Variants in DMTN observed in about 807,000 individuals in gnomAD.
The protein encoded by DMTN is dematin actin binding protein, also known as dematin.
DMTN carries 27 observed loss-of-function variants against 59.4 expected under a neutral mutation model. The observed-to-expected ratio is 0.45, with a 90% CI of 0.33 to 0.63. The LOEUF (loss-of-function observed/expected upper bound fraction) is 0.63, where lower values mean the gene tolerates loss of function less well. DMTN is among the 20% of genes least tolerant of loss of function. The pLI is 0.02. For missense variants in DMTN, 451 were observed against 528.9 expected (o/e 0.85, Z 1.45); for synonymous variants, 221 against 203.7 (o/e 1.08, Z -0.72).
At chr8:22,080,499 G>C (rs759043387) in intron 12 of DMTN, 39 bp downstream of exon 12, 1 of 1,614,078 alleles carries the variant, frequency 6.2e-7, no homozygotes, top group African/African-American at 1.3e-5. Context: ...TGGAGAAGGG[G>C]CTTACACAGG....
At chr8:22,074,769 GC>G (rs2131311222) in intron 10 of DMTN, among the ~76,000 whole-genome samples, 1 of 152,300 alleles carries the variant, frequency 6.6e-6, no homozygotes, top group East Asian at 1.9e-4. Flanking sequence ...GAGATGGGGA[GC>G]GGGGCAGGCT....
chr8:22,071,470 C>G (rs886999117), intron 8 of DMTN, among the ~76,000 whole-genome samples: 25 of 152,062 alleles, frequency 1.6e-4, no homozygotes, highest in Non-Finnish European at 2.5e-4. Flanking sequence ...TCTCGGCTCA[C>G]TGCAACTTCT....
chr8:22,056,276 G>A (rs1165346720), upstream of DMTN, among the ~76,000 whole-genome samples: 1 of 152,174 alleles, frequency 6.6e-6, no homozygotes, highest in Non-Finnish European at 1.5e-5. Flanking sequence ...TCTCAGTACT[G>A]AGGACCTGGT....
rs1007286871 is a variant in DMTN, at chr8:22,058,184, C to T, written c.-172+1048C>T. Reference sequence around the variant, plus strand: ...AACGGTTTCAGCGCGGGCGCTTCTGCCTGTGCCCACCTGTCCATCTTGTGT... The same window carrying T: ...AACGGTTTCAGCGCGGGCGCTTCTGTCTGTGCCCACCTGTCCATCTTGTGT... On this transcript the variant is annotated intron_variant, in intron 1 of 15. Transcript: ENST00000358242. The surrounding 1 kb of genome is among the most constrained non-coding windows in gnomAD (Gnocchi z 4.3). Among the ~76,000 whole-genome samples, 4 of 152,126 alleles carry T rather than the reference C, an allele frequency of 2.6e-5. No homozygotes were observed. Among genetic ancestry groups the T allele is most frequent in the African/African-American group, 4.8e-5 (2 of 41,420 alleles).
intron 1 of DMTN, 30 bp from the exon 2 acceptor site, chr8:22,066,675 C>T (rs1585860803): frequency 4.3e-6 from 2 of 462,710 alleles, no homozygotes; most frequent in East Asian, 8.4e-5. Context: ...AACGCCGCCC[C>T]GGCGCGGCCT....
upstream of DMTN, among the ~76,000 whole-genome samples, chr8:22,049,569 A>ACCCC (rs56893612): frequency 1.0e-4 from 13 of 126,558 alleles, no homozygotes; most frequent in South Asian, 1.5e-3. Flanking sequence ...CGCAGGGACA[A>ACCCC]CCCCCCCCCC....
upstream of DMTN, chr8:22,049,025 G>A (rs1442002816): frequency 6.7e-6 from 1 of 148,404 alleles, no homozygotes; most frequent in Non-Finnish European, 1.5e-5. Flanking sequence ...CTCGCGCGGC[G>A]CGGCCCGTGC....
Position 22,067,177 on chromosome 8 carries a change from C to T in DMTN, c.93+18C>T. 1 of 1,607,606 alleles carries T rather than the reference C, an allele frequency of 6.2e-7. No individual in the cohort carries two copies. Among genetic ancestry groups the T allele is most frequent in the Non-Finnish European group, 8.5e-7 (1 of 1,177,282 alleles). On this transcript the variant is annotated intron_variant, in intron 3 of 15. Transcript: ENST00000358242. Reference sequence around the variant, plus strand: ...GCATCGTGGTGAGTACCCCTCTCGGCCACCAGCAACCCCTGGCTGGGAGGG... The same window carrying T: ...GCATCGTGGTGAGTACCCCTCTCGGTCACCAGCAACCCCTGGCTGGGAGGG...
chr8:22,067,656 C>T lies in DMTN; in HGVS notation c.223C>T (p.His75Tyr), dbSNP rs1225813349. 11 of 1,613,982 alleles carry T rather than the reference C, an allele frequency of 6.8e-6. No homozygotes were observed. Among genetic ancestry groups the T allele is most frequent in the East Asian group, 2.2e-5 (1 of 44,876 alleles). ...TCACTTCACTTATTCCCTCCTGGAA[C>T]ACGTGGAGCTGCCTCGCAGCCGCGA... is the stretch of plus-strand genomic sequence containing the variant. Reference protein sequence around the residue: ...EPHFTYSLLEHVELPRSRERS... With the variant: ...EPHFTYSLLEYVELPRSRERS... Residue 75 changes from histidine (H) to tyrosine (Y), a missense_variant, in exon 4 of 16, where the codon CAC becomes TAC. Physicochemically the swap from His to Tyr is moderately conservative, Grantham distance 83 (BLOSUM62 2). Transcript: ENST00000358242.
Position 22,080,637 on chromosome 8 carries a change from C to A in DMTN, c.957+12C>A. 1 of 1,603,436 alleles carries A rather than the reference C, an allele frequency of 6.2e-7. No individual in the cohort carries two copies. On this transcript the variant is annotated intron_variant, in intron 13 of 15. Coordinates refer to ENST00000358242, the MANE Select transcript of DMTN (RefSeq NM_001387751.1). ...CCGCAGGCCTGCAGGTGAGTGCCTC[C>A]TGGAGGGGAACAGGCAGAGCAGCAG...
chr8:22,079,279 T>TAA (rs67157749), intron 10 of DMTN, among the ~76,000 whole-genome samples: 39 of 35,452 alleles, frequency 1.1e-3, no homozygotes, highest in African/African-American at 2.0e-3. Flanking sequence ...AATAAATAAA[T>TAA]ATATATATAT....
chr8:22,068,783 T>C (rs1812819536), intron 4 of DMTN, among the ~76,000 whole-genome samples: 1 of 152,012 alleles, frequency 6.6e-6, no homozygotes, highest in Non-Finnish European at 1.5e-5. Flanking sequence ...AAGAGTGCCC[T>C]TGGAGCCCCA....
intron 1 of DMTN, among the ~76,000 whole-genome samples, chr8:22,062,828 C>G (rs771050648): frequency 6.9e-6 from 1 of 144,722 alleles, no homozygotes; most frequent in Non-Finnish European, 1.5e-5. Flanking sequence ...CATTCTTTCT[C>G]TCAATATGTT....
intron 5 of DMTN, 175 bp downstream of exon 5, chr8:22,069,235 ACC>A (rs1296731325): frequency 1.2e-5 from 11 of 892,528 alleles, no homozygotes; most frequent in Non-Finnish European, 1.9e-5. Context: ...CAGGACCTCA[ACC>A]CTTTCTCCCT....
chr8:22,067,426 G>A, intron 3 of DMTN, 101 bp from the exon 4 acceptor site: 1 of 1,507,288 alleles, frequency 6.6e-7, no homozygotes, highest in Non-Finnish European at 9.0e-7. Context: ...GTCTGCAATG[G>A]CGGTCCATTT....
chr8:22,049,904 G>C (rs1215687433), upstream of DMTN, among the ~76,000 whole-genome samples: 1 of 152,084 alleles, frequency 6.6e-6, no homozygotes. Context: ...AAGGGCCCTC[G>C]TCCAGTGAAA....
Position 22,073,719 on chromosome 8 carries a change from T to G in DMTN, c.730-11T>G. 6.3e-7 allele frequency: 1 copy of G among 1,591,466 alleles called. No homozygotes were observed. The highest frequency in any genetic ancestry group is 8.6e-7 in the Non-Finnish European group (1 of 1,160,602). ...TAAGTCTTGGCTCCATCTTCCTTTC[T>G]CCCTCCTCAGGTTACTTCCAACTTG... is the stretch of plus-strand genomic sequence containing the variant. On this transcript the variant is annotated splice_polypyrimidine_tract_variant and intron_variant, in intron 9 of 15. Coordinates refer to ENST00000358242, the MANE Select transcript of DMTN (RefSeq NM_001387751.1).
At chr8:22,050,901 C>G (rs1466058913), upstream of DMTN, among the ~76,000 whole-genome samples, 1 of 152,206 alleles carries the variant, frequency 6.6e-6, no homozygotes, top group Non-Finnish European at 1.5e-5. Flanking sequence ...GTCTGTTCAG[C>G]TCATTCCCCC....
upstream of DMTN, among the ~76,000 whole-genome samples, chr8:22,052,709 A>G (rs542140594): frequency 6.6e-6 from 1 of 152,000 alleles, no homozygotes; most frequent in South Asian, 2.1e-4. Context: ...CCAAAGAGGG[A>G]AAGGGGAGAT....
Sources: gnomAD v4.1 joint callset for allele counts (sites outside exome capture counted in the v4.1 genomes callset) on GRCh38, gnomAD v4.1.1 for gene constraint, Gnocchi (gnomAD v3.1) non-coding constraint, MANE v1.5 for transcripts, NCBI Gene and HGNC (gene_info 2026-07-23, HGNC 2026-07-21) for gene names.